Variants in ROBO1 observed in about 807,000 individuals in gnomAD.
ROBO1 encodes the protein roundabout homolog 1.
A neutral mutation model predicts 195.9 loss-of-function variants in ROBO1; 149 were observed. The ratio of observed to expected loss-of-function variants is 0.76; its 90% CI spans 0.67 to 0.87. The LOEUF is 0.87. Ranked by LOEUF, ROBO1 falls within the 40% of genes least tolerant of loss-of-function variation. The probability of loss-of-function intolerance (pLI) is 0.00; values close to 1 mark genes in which losing one functional copy is unlikely to be tolerated. For synonymous variants in ROBO1, 816 were observed against 733.2 expected, an observed-to-expected ratio of 1.11 and a Z score of -1.82; for missense variants, 1,933 against 2,068.3, an observed-to-expected ratio of 0.93 and a Z score of 1.27.
chr3:79,172,115 T>G (rs184066088), intron 2 of ROBO1, among the ~76,000 whole-genome samples: 39 of 152,218 alleles, frequency 2.6e-4, no homozygotes, highest in African/African-American at 9.1e-4. Flanking sequence ...CCTATTAAAT[T>G]TCTATAGGTA....
intron 1 of ROBO1, among the ~76,000 whole-genome samples, chr3:79,616,730 T>G (rs751318028): frequency 6.6e-6 from 1 of 152,134 alleles, no homozygotes; most frequent in African/African-American, 2.4e-5. Context: ...GCTGTGGATA[T>G]GGCATGTCTT....
chr3:79,343,519 G>A (rs2034991257), intron 2 of ROBO1, among the ~76,000 whole-genome samples: 1 of 152,160 alleles, frequency 6.6e-6, no homozygotes, highest in Non-Finnish European at 1.5e-5. Flanking sequence ...GCTGAATTTT[G>A]TGATTAACAG....
chr3:78,684,981 C>A (rs913114934), intron 10 of ROBO1, among the ~76,000 whole-genome samples: 1 of 152,082 alleles, frequency 6.6e-6, no homozygotes, highest in Admixed American at 6.6e-5. Context: ...CCAATCACTA[C>A]AATAAATTTA....
At chr3:78,726,302 A>G (rs975957940) in intron 5 of ROBO1, among the ~76,000 whole-genome samples, 1 of 152,192 alleles carries the variant, frequency 6.6e-6, no homozygotes, top group Non-Finnish European at 1.5e-5. Context: ...ACTAATACAG[A>G]TAAGACACAC....
intron 3 of ROBO1, among the ~76,000 whole-genome samples, chr3:79,013,427 C>T (rs2077838428): frequency 6.6e-6 from 1 of 152,166 alleles, no homozygotes; most frequent in Non-Finnish European, 1.5e-5. Context: ...AAAGAACTGA[C>T]TGTCTTGCCT....
intron 1 of ROBO1, among the ~76,000 whole-genome samples, chr3:79,748,971 A>G (rs534198893): frequency 3.3e-5 from 5 of 152,312 alleles, no homozygotes; most frequent in African/African-American, 1.2e-4. Flanking sequence ...AAAAAGTGGC[A>G]GTGGCTTTGC....
At chr3:79,206,879 T>C (rs1202256115) in intron 2 of ROBO1, among the ~76,000 whole-genome samples, 2 of 152,186 alleles carry the variant, frequency 1.3e-5, no homozygotes, top group Admixed American at 1.3e-4. Flanking sequence ...TTTCATTAGC[T>C]GCATATTTAA....
In ROBO1 at chr3:79,758,806, G is replaced by A. The variant is rs187661009; in HGVS notation, c.-51+8946C>T. ...GAAAGTAGCCTGGAGTCTATGAAAG[G>A]CAGAGTGCTGAAGAACTCAAACTTG... On this transcript the variant is annotated intron_variant, in intron 1 of 30. Coordinates refer to ENST00000464233, the MANE Select transcript of ROBO1 (RefSeq NM_002941.4). Among the ~76,000 whole-genome samples the A allele has an allele frequency of 1.3e-3, 205 of 152,192 alleles. 2 individuals carry two copies. The Middle Eastern group carries it at 0.014, about 10-fold the overall frequency.
At chr3:79,447,614 G>T (rs1030170441) in intron 2 of ROBO1, among the ~76,000 whole-genome samples, 6 of 152,070 alleles carry the variant, frequency 3.9e-5, no homozygotes, top group Non-Finnish European at 7.4e-5. Flanking sequence ...AAATTAAATT[G>T]ATTTGAGTAC....
intron 2 of ROBO1, among the ~76,000 whole-genome samples, chr3:79,542,480 G>C (rs761677231): frequency 6.6e-6 from 1 of 151,946 alleles, no homozygotes; most frequent in African/African-American, 2.4e-5. Flanking sequence ...GCTAACTTTA[G>C]CTAATTAGCC....
intron 2 of ROBO1, among the ~76,000 whole-genome samples, chr3:79,416,438 T>TAAA (rs550048639): frequency 7.4e-6 from 1 of 134,830 alleles, no homozygotes; most frequent in Non-Finnish European, 1.6e-5. Flanking sequence ...ACCCCATCTC[T>TAAA]AAAAAAAAAA....
At chr3:79,572,150 CA>C (rs965682006) in intron 2 of ROBO1, among the ~76,000 whole-genome samples, 5 of 151,492 alleles carry the variant, frequency 3.3e-5, no homozygotes, top group African/African-American at 1.2e-4. Context: ...ACTTAAAGTA[CA>C]ATAATAATAA....
At chr3:79,159,741 T>C (rs1417490914) in intron 2 of ROBO1, among the ~76,000 whole-genome samples, 1 of 152,050 alleles carries the variant, frequency 6.6e-6, no homozygotes, top group Non-Finnish European at 1.5e-5. Context: ...TTATCCTATA[T>C]ACTATAATGA....
At chr3:78,898,044 A>C (rs1419252668) in intron 4 of ROBO1, among the ~76,000 whole-genome samples, 4 of 151,368 alleles carry the variant, frequency 2.6e-5, no homozygotes, top group African/African-American at 9.7e-5. Flanking sequence ...ACTGTATTAC[A>C]AAATGAAATT....
chr3:78,936,910 T>A (rs534747634), intron 4 of ROBO1, among the ~76,000 whole-genome samples: 1 of 152,224 alleles, frequency 6.6e-6, no homozygotes, highest in South Asian at 2.1e-4. Context: ...GTCATTCACC[T>A]CACTAATTTA....
At chr3:79,409,318 A>G (rs543973840) in intron 2 of ROBO1, among the ~76,000 whole-genome samples, 3 of 152,260 alleles carry the variant, frequency 2.0e-5, no homozygotes, top group African/African-American at 7.2e-5. Flanking sequence ...ATACATTCCC[A>G]TAGCATTCAG....
chr3:78,775,315 A>G (rs746431217), intron 4 of ROBO1, among the ~76,000 whole-genome samples: 1 of 152,242 alleles, frequency 6.6e-6, no homozygotes, highest in Non-Finnish European at 1.5e-5. Context: ...GAAGGTACAG[A>G]CGTTCATTTC....
intron 4 of ROBO1, among the ~76,000 whole-genome samples, chr3:78,748,200 C>G (rs1285360134): frequency 6.6e-6 from 1 of 152,154 alleles, no homozygotes; most frequent in African/African-American, 2.4e-5. Context: ...AATCCCAGCA[C>G]TTTGGGAGGC....
intron 5 of ROBO1, among the ~76,000 whole-genome samples, chr3:78,744,630 G>A (rs2082612632): frequency 6.6e-6 from 1 of 151,998 alleles, no homozygotes; most frequent in Non-Finnish European, 1.5e-5. Flanking sequence ...CCACCTTAGG[G>A]TTTTTCTATT....
Sources: gnomAD v4.1 joint callset for allele counts (sites outside exome capture counted in the v4.1 genomes callset) on GRCh38, gnomAD v4.1.1 for gene constraint, MANE v1.5 for transcripts, NCBI Gene and HGNC (gene_info 2026-07-23, HGNC 2026-07-21) for gene names.